Variants in GPAM observed in about 807,000 individuals in gnomAD.
The protein encoded by GPAM is glycerol-3-phosphate acyltransferase 1, mitochondrial.
A neutral mutation model predicts 105.0 loss-of-function variants in GPAM; 56 were observed. The ratio of observed to expected loss-of-function variants is 0.53; its 90% CI spans 0.43 to 0.67. GPAM has a LOEUF of 0.67. GPAM is among the 30% of genes least tolerant of loss of function. The pLI is 0.00. For missense variants in GPAM, 855 were observed against 989.8 expected (o/e 0.86, Z 1.83); for synonymous variants, 368 against 354.4 (o/e 1.04, Z -0.43).
intron 5 of GPAM, among the ~76,000 whole-genome samples, chr10:112,177,468 T>C (rs1385693972): frequency 6.6e-6 from 1 of 152,164 alleles, no homozygotes; most frequent in Non-Finnish European, 1.5e-5. Flanking sequence ...CAAAGACCTT[T>C]TTCTCTCACA....
chr10:112,165,966 A>G (rs760807350), intron 12 of GPAM, among the ~76,000 whole-genome samples: 2 of 152,132 alleles, frequency 1.3e-5, no homozygotes, highest in Non-Finnish European at 2.9e-5. Context: ...AAATCAGGGT[A>G]ATTGGGATAA....
rs2792751 is a variant in GPAM at position 112,180,571 on chromosome 10, T to G, written c.127A>C (p.Ile43Leu). 41 of 1,610,672 alleles carry G rather than the reference T, an allele frequency of 2.5e-5. No individual in the cohort carries two copies. The South Asian group carries it at 4.2e-4, about 16-fold the overall frequency. The change falls in exon 4 of 22, where the codon ATC becomes CTC. Residue 43 changes from isoleucine to leucine, a missense_variant. Coordinates refer to ENST00000348367, the MANE Select transcript of GPAM (RefSeq NM_001244949.2). ...EWGECGFRPT[I>L]FRSATLKWKE... Reference sequence around the variant, plus strand: ...CATTTTAAAGTTGCAGATCTGAAGATGGTGGGTCTAAAGCCACACTCACCC... The same window carrying G: ...CATTTTAAAGTTGCAGATCTGAAGAGGGTGGGTCTAAAGCCACACTCACCC...
chr10:112,221,324 G>A, the GPAM span, among the ~76,000 whole-genome samples: 4,092 of 152,232 alleles, frequency 0.027, 110 homozygotes, highest in Middle Eastern at 0.044. Context: ...TAAGTAGACT[G>A]TGAGAGCCAA....
upstream of GPAM, among the ~76,000 whole-genome samples, chr10:112,185,154 G>C (rs1847576918): frequency 6.6e-6 from 1 of 152,054 alleles, no homozygotes; most frequent in Non-Finnish European, 1.5e-5. Context: ...TTCTATCTTA[G>C]AAATCTTAAA....
upstream of GPAM, among the ~76,000 whole-genome samples, chr10:112,187,681 G>T (rs1046948829): frequency 1.3e-5 from 2 of 151,930 alleles, no homozygotes; most frequent in Non-Finnish European, 2.9e-5. Context: ...GATGTAAAAG[G>T]CTTGTACAAT....
intron 16 of GPAM, 100 bp from the exon 17 acceptor site, chr10:112,160,153 A>G: frequency 8.5e-7 from 1 of 1,181,692 alleles, no homozygotes; most frequent in Non-Finnish European, 1.2e-6. Context: ...TACATCAAAA[A>G]TAATGGCCTG....
chr10:112,197,563 T>A (rs972321971), intron 1 of GPAM, among the ~76,000 whole-genome samples: 2 of 151,072 alleles, frequency 1.3e-5, no homozygotes, highest in African/African-American at 4.9e-5. Flanking sequence ...TGTATACATG[T>A]GCCATGCTGG....
At position 112,152,698 on chromosome 10, in the gene GPAM, G is replaced by A. The variant is rs570007655; in HGVS notation, c.*852C>T. 1.0e-6 allele frequency: 1 copy of A among 985,052 alleles called. No individual in the cohort carries two copies. The highest frequency in any genetic ancestry group is 1.1e-4 in the East Asian group (1 of 8,818). 61.0% of individuals were successfully genotyped at this position (985,052 alleles called of 1,614,324 possible). ...GAAACAGCTGTACCTGTGAGAGGCA[G>A]GTATTACCTGAGGGGTGGACGAGGT... is the stretch of plus-strand genomic sequence containing the variant. On this transcript the variant is annotated 3_prime_UTR_variant, in exon 22 of 22. Coordinates refer to ENST00000348367, the MANE Select transcript of GPAM (RefSeq NM_001244949.2).
At chr10:112,183,668 C>G (rs1226796332) in intron 1 of GPAM, 25 bp downstream of exon 1, 1 of 152,758 alleles carries the variant, frequency 6.5e-6, no homozygotes, top group Non-Finnish European at 1.5e-5. Flanking sequence ...CTCCCGCAGC[C>G]CACACCTGCC....
upstream of GPAM, among the ~76,000 whole-genome samples, chr10:112,188,205 A>C (rs1419985367): frequency 6.6e-6 from 1 of 152,188 alleles, no homozygotes; most frequent in Non-Finnish European, 1.5e-5. Flanking sequence ...AAAGCAGAAA[A>C]ATTTTTAAGT....
At chr10:112,190,031 C>T (rs1166376595) in intron 1 of GPAM, among the ~76,000 whole-genome samples, 1 of 152,212 alleles carries the variant, frequency 6.6e-6, no homozygotes, top group Non-Finnish European at 1.5e-5. Context: ...AAGGAGGATA[C>T]ACTCTAGTCC....
chr10:112,227,070 C>T, the GPAM span, among the ~76,000 whole-genome samples: 24 of 152,298 alleles, frequency 1.6e-4, no homozygotes, highest in African/African-American at 4.1e-4. Context: ...CTCCCAACAC[C>T]GTGACCCCTC....
At chr10:112,225,829 A>G in the GPAM span, among the ~76,000 whole-genome samples, 1,197 of 152,288 alleles carry the variant, frequency 7.9e-3, 46 homozygotes, top group Admixed American at 0.071. Flanking sequence ...AATGGCAAGC[A>G]TGTTTTGTTT....
At chr10:112,202,479 T>A (rs995838113) in intron 1 of GPAM, among the ~76,000 whole-genome samples, 9 of 152,180 alleles carry the variant, frequency 5.9e-5, no homozygotes, top group African/African-American at 2.2e-4. Flanking sequence ...CTGTTAAGTT[T>A]AAAAAGGCAA....
upstream of GPAM, among the ~76,000 whole-genome samples, chr10:112,184,868 A>T (rs1369433219): frequency 6.6e-6 from 1 of 152,150 alleles, no homozygotes; most frequent in Non-Finnish European, 1.5e-5. Context: ...ATCTCACTCC[A>T]GTCTTCCGCT....
intron 16 of GPAM, 97 bp downstream of exon 16, chr10:112,160,507 A>C (rs1444017792): frequency 8.5e-6 from 11 of 1,296,848 alleles, no homozygotes; most frequent in Non-Finnish European, 1.2e-5. Context: ...CCCTCAAGCA[A>C]GGGGCTATCA....
rs192454059 is a variant in GPAM at position 112,160,184 on chromosome 10, A to G, written c.1760-131T>C. On this transcript the variant is annotated intron_variant, in intron 16 of 21. Transcript: ENST00000348367. Reference sequence around the variant, plus strand: ...GCCTGTATTTGGAGAAATTTAAGTAAATCCCATAAGACTAAATTCTTATGA... The same window carrying G: ...GCCTGTATTTGGAGAAATTTAAGTAGATCCCATAAGACTAAATTCTTATGA... 4.3e-4 allele frequency: 430 copies of G among 1,009,528 alleles called. 7 individuals are homozygous for G. The Admixed American group carries it at 8.8e-3, about 21-fold the overall frequency. The allele number at this position is 1,009,528 out of a possible 1,614,324, so 62.5% of individuals were successfully genotyped here.
intron 1 of GPAM, among the ~76,000 whole-genome samples, chr10:112,200,814 C>G (rs1847789063): frequency 6.6e-6 from 1 of 152,142 alleles, no homozygotes; most frequent in East Asian, 1.9e-4. Flanking sequence ...TACTGTGTAG[C>G]TATTATTAGC....
chr10:112,172,542 A>C (rs892744743), intron 8 of GPAM, among the ~76,000 whole-genome samples: 1 of 152,218 alleles, frequency 6.6e-6, no homozygotes, highest in Non-Finnish European at 1.5e-5. Context: ...AAGAGCAATC[A>C]AGAGTTCCAG....
Sources: gnomAD v4.1 joint callset for allele counts (sites outside exome capture counted in the v4.1 genomes callset) on GRCh38, gnomAD v4.1.1 for gene constraint, MANE v1.5 for transcripts, NCBI Gene and HGNC (gene_info 2026-07-23, HGNC 2026-07-21) for gene names.